The following LRP1B variants were observed in gnomAD, a reference collection of about 807,000 sequenced individuals.
The protein encoded by LRP1B is low-density lipoprotein receptor-related protein 1B.
Under a neutral mutation model 556.6 loss-of-function variants are expected in LRP1B, and 217 were observed. That is an observed-to-expected ratio of 0.39 (90% confidence interval 0.35 to 0.44). The LOEUF (loss-of-function observed/expected upper bound fraction) is 0.44. LRP1B is among the 20% of genes least tolerant of loss of function. The pLI, the probability that LRP1B is intolerant of heterozygous loss-of-function variation, is 1.00. For synonymous variants in LRP1B, 2,047 were observed against 1,865.8 expected, an observed-to-expected ratio of 1.10 and a Z score of -2.50; for missense variants, 5,053 against 5,620.8, an observed-to-expected ratio of 0.90 and a Z score of 3.23.
chr2:142,129,584 T>TCTCTC lies in LRP1B; in HGVS notation c.82+1063_82+1064insGAGAG, dbSNP rs1707775509. Among the ~76,000 whole-genome samples, 35 of 134,826 alleles carry TCTCTC rather than the reference T, an allele frequency of 2.6e-4. 1 individual carries two copies. Among genetic ancestry groups the TCTCTC allele is most frequent in the African/African-American group, 7.2e-4 (26 of 36,304 alleles). 88.5% of individuals were successfully genotyped at this position (134,826 alleles called of 152,430 possible). A position where few individuals can be genotyped will look rare whatever the true frequency, so the allele number is the denominator to read the frequency against. On this transcript the variant is annotated intron_variant, in intron 1 of 90. Transcript: ENST00000389484. ...TTGGGATCTGGGTTTCTTTCTCTCTTTCTCTCTCTCTCTCTCTCTCTCTCT... is the reference window on the plus strand; with the variant it reads ...TTGGGATCTGGGTTTCTTTCTCTCTTCTCTCTCTCTCTCTCTCTCTCTCTCTCTCT...
At chr2:142,031,337 T>TTTTTTTTA (rs1553506196) in intron 1 of LRP1B, among the ~76,000 whole-genome samples, 16 of 125,736 alleles carry the variant, frequency 1.3e-4, no homozygotes, top group Non-Finnish European at 2.1e-4. Context: ...CTTATTTTTT[T>TTTTTTTTA]TTTTTTTTTT....
chr2:141,684,155 T>C (rs1271656063), intron 2 of LRP1B, among the ~76,000 whole-genome samples: 1 of 152,104 alleles, frequency 6.6e-6, no homozygotes, highest in African/African-American at 2.4e-5. Flanking sequence ...CATGCACATG[T>C]ATGTTTATTG....
In LRP1B at chr2:140,525,834, C is replaced by A; in HGVS notation, c.8026+10G>T. 1 of 1,607,044 alleles carries A rather than the reference C, an allele frequency of 6.2e-7. No individual in the cohort carries two copies. Among genetic ancestry groups the A allele is most frequent in the Non-Finnish European group, 8.5e-7 (1 of 1,176,970 alleles). ...GGCAAAGCCTGTGTTTTTCTAAATT[C>A]TAGTATTACCTGGGCACTTTAATTC... On this transcript the variant is annotated intron_variant, in intron 49 of 90. Transcript: ENST00000389484.
chr2:141,764,187 T>TC (rs1694656051), intron 2 of LRP1B, among the ~76,000 whole-genome samples: 1 of 151,798 alleles, frequency 6.6e-6, no homozygotes, highest in Admixed American at 6.6e-5. Flanking sequence ...CAAGATGGTG[T>TC]CTTTTTTTTT....
chr2:140,996,228 A>G (rs1044329956), intron 15 of LRP1B, among the ~76,000 whole-genome samples: 1 of 151,986 alleles, frequency 6.6e-6, no homozygotes, highest in African/African-American at 2.4e-5. Flanking sequence ...ATTAATTGTA[A>G]TAATTCTATC....
At chr2:141,234,910 G>GA (rs1471354019) in intron 5 of LRP1B, among the ~76,000 whole-genome samples, 41 of 151,958 alleles carry the variant, frequency 2.7e-4, no homozygotes, top group Admixed American at 2.5e-3. Flanking sequence ...TCATATAAGT[G>GA]AAAAAAATAT....
rs1262826176 is a variant in LRP1B, at chr2:140,929,753, GACTC to G, written c.3137-6610_3137-6607del. 3.1e-4 allele frequency among the ~76,000 whole-genome samples: 17 copies of G among 54,340 alleles called. No individual in the cohort carries two copies. In the South Asian group the frequency reaches 0.013, roughly 42 times the overall value. The allele number at this position is 54,340 out of a possible 152,430, so 35.6% of individuals were successfully genotyped here. On this transcript the variant is annotated intron_variant, in intron 20 of 90. Transcript: ENST00000389484. ...TTAAAGTTTATACCACAGTCATATA[GACTC>G]ACACACACACACACACACACACACA...
At chr2:140,597,145 C>A (rs1682473651) in intron 43 of LRP1B, among the ~76,000 whole-genome samples, 1 of 152,028 alleles carries the variant, frequency 6.6e-6, no homozygotes, top group African/African-American at 2.4e-5. Context: ...TGTAAGAATG[C>A]AGTAAACTTT....
intron 39 of LRP1B, 109 bp from the exon 40 acceptor site, chr2:140,701,954 C>G: frequency 4.9e-6 from 7 of 1,417,522 alleles, no homozygotes; most frequent in Non-Finnish European, 5.8e-6. Flanking sequence ...AAGAAACCAA[C>G]TTTAGTCTGT....
intron 41 of LRP1B, among the ~76,000 whole-genome samples, chr2:140,651,049 T>C (rs1215308608): frequency 6.6e-6 from 1 of 152,016 alleles, no homozygotes; most frequent in Non-Finnish European, 1.5e-5. Context: ...TAAGTACATG[T>C]ACAAGTATCA....
intron 3 of LRP1B, among the ~76,000 whole-genome samples, chr2:141,476,852 G>A (rs6729618): frequency 0.39 from 59,028 of 151,940 alleles, 11,973 homozygotes; most frequent in East Asian, 0.64. Flanking sequence ...AGCTGGGCAC[G>A]GTGGCTCACA....
At chr2:141,504,239 T>C (rs966432372) in intron 2 of LRP1B, among the ~76,000 whole-genome samples, 1 of 152,178 alleles carries the variant, frequency 6.6e-6, no homozygotes, top group African/African-American at 2.4e-5. Context: ...AGACTGTAAG[T>C]TCTCCAAGGG....
chr2:140,743,803 C>CA lies in LRP1B; in HGVS notation c.5758+25409dup, dbSNP rs1247904622. 7.2e-4 allele frequency among the ~76,000 whole-genome samples: 108 copies of CA among 150,750 alleles called. 1 individual carries two copies. Among genetic ancestry groups the CA allele is most frequent in the South Asian group, 1.3e-3 (6 of 4,766 alleles). ...TGAAACCCTGTCTCTACTAAAAATA[C>CA]AAAAAAATTAGCCGGGCGTGGTGGC... is the stretch of plus-strand genomic sequence containing the variant. On this transcript the variant is annotated intron_variant, in intron 35 of 90. Coordinates refer to ENST00000389484, the MANE Select transcript of LRP1B (RefSeq NM_018557.3).
chr2:141,606,542 C>T (rs1188315740), intron 2 of LRP1B, among the ~76,000 whole-genome samples: 3 of 152,080 alleles, frequency 2.0e-5, no homozygotes, highest in Non-Finnish European at 4.4e-5. Flanking sequence ...TGTGACTGTG[C>T]TTAGAGATAA....
At chr2:142,055,105 G>T (rs1222701150) in intron 1 of LRP1B, among the ~76,000 whole-genome samples, 2 of 152,088 alleles carry the variant, frequency 1.3e-5, no homozygotes, top group African/African-American at 4.8e-5. Context: ...GGATATAATA[G>T]TGGACAAGAC....
chr2:140,784,879 G>A (rs528739181), intron 32 of LRP1B, among the ~76,000 whole-genome samples: 1 of 151,924 alleles, frequency 6.6e-6, no homozygotes, highest in Non-Finnish European at 1.5e-5. Flanking sequence ...TAAGTTATAC[G>A]ATCTTAAGAG....
chr2:140,392,755 T>C (rs1684078318), intron 66 of LRP1B, among the ~76,000 whole-genome samples: 1 of 152,136 alleles, frequency 6.6e-6, no homozygotes, highest in Non-Finnish European at 1.5e-5. Context: ...ATGCATCTTC[T>C]TCAAGAGTGC....
At chr2:141,231,684 G>A (rs886884434) in intron 5 of LRP1B, among the ~76,000 whole-genome samples, 4 of 140,868 alleles carry the variant, frequency 2.8e-5, no homozygotes, top group East Asian at 2.1e-4. Flanking sequence ...TATTGCTATC[G>A]TGTGCACCTG....
At chr2:141,465,613 A>C (rs1272291016) in intron 3 of LRP1B, among the ~76,000 whole-genome samples, 1 of 148,856 alleles carries the variant, frequency 6.7e-6, no homozygotes, top group Non-Finnish European at 1.5e-5. Flanking sequence ...GCAGTGGCAC[A>C]ATCTGGGCTC....
Sources: allele counts gnomAD v4.1 joint callset (sites outside exome capture counted in the v4.1 genomes callset), GRCh38; gene constraint gnomAD v4.1.1; transcripts MANE v1.5; gene names NCBI Gene and HGNC (gene_info 2026-07-23, HGNC 2026-07-21).